Variants in CACNA1C observed in about 807,000 individuals in gnomAD.
The protein encoded by CACNA1C is calcium voltage-gated channel subunit alpha1 C.
CACNA1C carries 30 observed loss-of-function variants against 229.0 expected under a neutral mutation model. That is an observed-to-expected ratio of 0.13 (90% confidence interval 0.10 to 0.18). CACNA1C has a LOEUF of 0.18. Ranked by LOEUF, CACNA1C falls within the 10% of genes least tolerant of loss-of-function variation. The probability of loss-of-function intolerance (pLI) is 1.00; values close to 1 mark genes in which losing one functional copy is unlikely to be tolerated. For synonymous variants in CACNA1C, 1,114 were observed against 1,132.5 expected, an observed-to-expected ratio of 0.98 and a Z score of 0.33; for missense variants, 1,658 against 2,845.0, an observed-to-expected ratio of 0.58 and a Z score of 9.49.
chr12:2,322,872 A>T (rs781653303), intron 3 of CACNA1C, among the ~76,000 whole-genome samples: 2 of 152,206 alleles, frequency 1.3e-5, no homozygotes, highest in Non-Finnish European at 2.9e-5. Context: ...CGCTTGGTCC[A>T]TAGCAAGCAC....
intron 9 of CACNA1C, among the ~76,000 whole-genome samples, chr12:2,542,452 A>G (rs1383773397): frequency 6.6e-6 from 1 of 152,152 alleles, no homozygotes; most frequent in Non-Finnish European, 1.5e-5. Flanking sequence ...GACATTGCCC[A>G]TTTTTTGTTG....
At chr12:2,664,075 CAAG>C (rs1189367022) in intron 34 of CACNA1C, among the ~76,000 whole-genome samples, 4 of 152,138 alleles carry the variant, frequency 2.6e-5, no homozygotes, top group African/African-American at 4.8e-5. Flanking sequence ...TACAAACGAA[CAAG>C]AAGACAACCT....
At position 2,679,559 on chromosome 12, in the gene CACNA1C, G is replaced by C; in HGVS notation, c.5207G>C (p.Ser1736Thr). 1 of 1,613,550 alleles carries C rather than the reference G, an allele frequency of 6.2e-7. No homozygotes were observed. Among genetic ancestry groups the C allele is most frequent in the Non-Finnish European group, 8.5e-7 (1 of 1,179,712 alleles). Reference protein sequence around the residue: ...RPLHINKAGSSQGDTESPSHE... With the variant: ...RPLHINKAGSTQGDTESPSHE... ...CTGCACATCAACAAGGCGGGCAGCA[G>C]CCAGGGCGACACTGAGTCGCCATCC... The change falls in exon 42 of 47, where the codon AGC (serine) becomes ACC (threonine). Residue 1736 changes from serine to threonine, a missense_variant. Physicochemically the swap from Ser to Thr is moderately conservative, Grantham distance 58. This residue lies in a region of CACNA1C where 590 missense variants were observed against 700.8 expected (regional missense o/e 0.84). Transcript: ENST00000399655. The surrounding 1 kb of genome is among the most constrained non-coding windows in gnomAD (Gnocchi z 5.5).
rs375965212 is a variant in CACNA1C, at chr12:2,285,748, G to T, written c.478-163228G>T. On this transcript the variant is annotated intron_variant, in intron 3 of 46. Coordinates refer to ENST00000399655, the MANE Select transcript of CACNA1C (RefSeq NM_000719.7). This position sits in a 1 kb window ranked among gnomAD's most constrained non-coding sequence, Gnocchi z 4.2. ...CTCTTTTTCTCAACCTGTTGCTAAC[G>T]TGCTCATTCGAGAGAGGCTGGTGCG... Among the ~76,000 whole-genome samples the T allele has an allele frequency of 6.6e-6, 1 of 152,104 alleles. No homozygotes were observed. Among genetic ancestry groups the T allele is most frequent in the Non-Finnish European group, 1.5e-5 (1 of 68,034 alleles).
At chr12:2,350,599 A>G (rs1011014562) in intron 3 of CACNA1C, among the ~76,000 whole-genome samples, 2 of 152,184 alleles carry the variant, frequency 1.3e-5, no homozygotes, top group Non-Finnish European at 2.9e-5. Flanking sequence ...CTGCGGGGCC[A>G]TTGATGCCCA....
chr12:2,110,176 G>A (rs1006182324), intron 1 of CACNA1C, among the ~76,000 whole-genome samples: 3 of 152,248 alleles, frequency 2.0e-5, no homozygotes, highest in Non-Finnish European at 4.4e-5. Flanking sequence ...TTGGACCCTT[G>A]CAGAGCAGAA....
At chr12:2,668,019 A>G (rs912522456) in intron 37 of CACNA1C, among the ~76,000 whole-genome samples, 1 of 152,206 alleles carries the variant, frequency 6.6e-6, no homozygotes, top group African/African-American at 2.4e-5. Flanking sequence ...AGACAGCACT[A>G]TCCAGTGTCA....
At chr12:2,341,397 A>T (rs954826840) in intron 3 of CACNA1C, among the ~76,000 whole-genome samples, 1 of 152,132 alleles carries the variant, frequency 6.6e-6, no homozygotes, top group African/African-American at 2.4e-5. Flanking sequence ...ACCCCATGAG[A>T]TCCAATTTCC....
chr12:2,640,834 A>G (rs562580267), intron 30 of CACNA1C, among the ~76,000 whole-genome samples: 1 of 152,328 alleles, frequency 6.6e-6, no homozygotes, highest in East Asian at 1.9e-4. Context: ...GGGTCCTGGA[A>G]GGATGGAGGA....
Position 2,053,810 on chromosome 12 carries a change from G to T in CACNA1C, c.49+199G>T, listed in dbSNP as rs554339021. On this transcript the variant is annotated intron_variant, in intron 1 of 46. Transcript: ENST00000399655. This position sits in a 1 kb window ranked among gnomAD's most constrained non-coding sequence, Gnocchi z 5.8. Reference sequence around the variant, plus strand: ...CCGAACCGCCGCGCGAGACGGAGCGGAAAATTCCCGCCCCTCCCCCTCCGG... The same window carrying T: ...CCGAACCGCCGCGCGAGACGGAGCGTAAAATTCCCGCCCCTCCCCCTCCGG... Among the ~76,000 whole-genome samples the T allele has an allele frequency of 1.4e-3, 208 of 150,362 alleles. No individual in the cohort carries two copies. The highest frequency in any genetic ancestry group is 2.2e-3 in the Non-Finnish European group (149 of 67,396).
At chr12:2,325,688 A>G (rs764449363) in intron 3 of CACNA1C, among the ~76,000 whole-genome samples, 2 of 152,250 alleles carry the variant, frequency 1.3e-5, no homozygotes, top group African/African-American at 2.4e-5. Flanking sequence ...TTTCCCTTTG[A>G]GGGCAAACAG....
chr12:2,119,517 A>G (rs1384452051), intron 2 of CACNA1C, among the ~76,000 whole-genome samples: 1 of 152,200 alleles, frequency 6.6e-6, no homozygotes, highest in South Asian at 2.1e-4. Context: ...TGAAAATGTG[A>G]TGAAGAAGTC....
intron 3 of CACNA1C, among the ~76,000 whole-genome samples, chr12:2,400,164 A>C (rs1005517086): frequency 2.6e-5 from 4 of 152,212 alleles, no homozygotes; most frequent in African/African-American, 9.7e-5. Flanking sequence ...AATCCATTTT[A>C]CACAGCTAAG....
At chr12:2,390,562 A>G (rs2154548585) in intron 3 of CACNA1C, among the ~76,000 whole-genome samples, 1 of 152,326 alleles carries the variant, frequency 6.6e-6, no homozygotes, top group African/African-American at 2.4e-5. Context: ...TTGGTAAGTA[A>G]TAGCTTTATG....
At chr12:2,447,022 A>G (rs2099302157) in intron 3 of CACNA1C, among the ~76,000 whole-genome samples, 1 of 152,122 alleles carries the variant, frequency 6.6e-6, no homozygotes, top group Admixed American at 6.5e-5. Flanking sequence ...CTGGGAATAT[A>G]GAAAGAGGTG....
chr12:2,161,443 T>G (rs1315733521), intron 3 of CACNA1C, among the ~76,000 whole-genome samples: 2 of 152,174 alleles, frequency 1.3e-5, no homozygotes, highest in African/African-American at 4.8e-5. Flanking sequence ...GTCATTTTGC[T>G]GAGGGCTGGT....
At chr12:2,106,461 T>A (rs376600831) in intron 1 of CACNA1C, among the ~76,000 whole-genome samples, 4 of 52,456 alleles carry the variant, frequency 7.6e-5, no homozygotes, top group Admixed American at 2.3e-4. Flanking sequence ...TCAGCTGGGG[T>A]GTCCTGAAGC....
In CACNA1C at chr12:2,646,764, GAGAA is replaced by G. The variant is rs1261110534; in HGVS notation, c.3913-1707_3913-1704del. ...TGCATGCCTGTATGAGAGAGAGAGAGAGAAAGAGAGAGAGAGAGAGAGAGAGTGT... is the reference window on the plus strand; with the variant it reads ...TGCATGCCTGTATGAGAGAGAGAGAGAGAGAGAGAGAGAGAGAGAGAGTGT... On this transcript the variant is annotated intron_variant, in intron 30 of 46. Coordinates refer to ENST00000399655, the MANE Select transcript of CACNA1C (RefSeq NM_000719.7). The surrounding 1 kb of genome is among the most constrained non-coding windows in gnomAD (Gnocchi z 4.6). 1.2e-3 allele frequency among the ~76,000 whole-genome samples: 75 copies of G among 64,630 alleles called. No individual in the cohort carries two copies. The highest frequency in any genetic ancestry group is 5.2e-3 in the African/African-American group (70 of 13,588). 42.4% of individuals were successfully genotyped at this position (64,630 alleles called of 152,430 possible).
intron 29 of CACNA1C, among the ~76,000 whole-genome samples, chr12:2,629,680 C>T (rs898506326): frequency 6.6e-6 from 1 of 152,184 alleles, no homozygotes; most frequent in Admixed American, 6.5e-5. Flanking sequence ...AGCTTTTCAC[C>T]AGTATGCTGC....
Sources: allele counts gnomAD v4.1 joint callset (sites outside exome capture counted in the v4.1 genomes callset), GRCh38; gene constraint gnomAD v4.1.1; regional missense constraint gnomAD v4.1.1; non-coding constraint Gnocchi (gnomAD v3.1); transcripts MANE v1.5; gene names NCBI Gene and HGNC (gene_info 2026-07-23, HGNC 2026-07-21).